NOS3: variants seen among roughly 807,000 people sequenced by gnomAD.
NOS3 encodes nitric oxide synthase 3, also known as NOS type III.
A neutral mutation model predicts 144.9 loss-of-function variants in NOS3; 98 were observed. The observed-to-expected ratio is 0.68, with a 90% CI of 0.57 to 0.80. The LOEUF (loss-of-function observed/expected upper bound fraction) is 0.80, where lower values mean the gene tolerates loss of function less well. Among genes scored for constraint, NOS3 ranks in the 30% least tolerant of loss-of-function variants. The pLI is 0.00. For missense variants in NOS3, 1,465 were observed against 1,656.4 expected (o/e 0.88, Z 2.01); for synonymous variants, 714 against 702.4 (o/e 1.02, Z -0.26).
In NOS3 at chr7:151,007,163, G is replaced by A. The variant is rs772317436; in HGVS notation, c.1999G>A (p.Val667Met). 5 of 1,613,816 alleles carry A rather than the reference G, an allele frequency of 3.1e-6. No individual in the cohort carries two copies. Among genetic ancestry groups the A allele is most frequent in the Non-Finnish European group, 4.2e-6 (5 of 1,179,958 alleles). The change falls in exon 17 of 27, where the codon GTG (valine) becomes ATG (methionine). Residue 667 changes from valine (V) to methionine (M), a missense_variant. Coordinates refer to ENST00000297494, the MANE Select transcript of NOS3 (RefSeq NM_000603.5). ...YPHFCAFARA[V>M]DTRLEELGGE... ...CCACTTCTGCGCCTTTGCTCGTGCCGTGGACACACGGCTGGAGGAACTGGG... is the reference window on the plus strand; with the variant it reads ...CCACTTCTGCGCCTTTGCTCGTGCCATGGACACACGGCTGGAGGAACTGGG...
In NOS3 at chr7:151,013,320, C is replaced by A. The variant is rs1173680199; in HGVS notation, c.3196C>A (p.Gln1066Lys). Residue 1066 changes from glutamine (Q) to lysine (K), a missense_variant, in exon 25 of 27, where the codon CAG becomes AAG. By Grantham distance (53) the Gln-to-Lys change is moderately conservative. Transcript: ENST00000297494. ...CCGCGACGAGGTGCAGAACGCCCAG[C>A]AGCGCGGGGTGTTTGGCCGAGTCCT... ...LYRDEVQNAQ[Q>K]RGVFGRVLTA... 2.5e-6 allele frequency: 4 copies of A among 1,614,060 alleles called. No individual in the cohort carries two copies. In the South Asian group the frequency reaches 4.4e-5, roughly 18 times the overall value.
chr7:151,008,093 C>T (rs544606496), intron 17 of NOS3, among the ~76,000 whole-genome samples: 1 of 152,258 alleles, frequency 6.6e-6, no homozygotes, highest in South Asian at 2.1e-4. Context: ...AGAGCCATTG[C>T]AGCGGGATGA....
chr7:150,994,691 C>G (rs769213655), intron 2 of NOS3, among the ~76,000 whole-genome samples: 1 of 152,164 alleles, frequency 6.6e-6, no homozygotes, highest in African/African-American at 2.4e-5. Flanking sequence ...GCTGCTCAGG[C>G]GCACCCTTGG....
rs753482 is a variant in NOS3 at position 151,009,295 on chromosome 7, C to T, written c.2324+28C>T. On this transcript the variant is annotated intron_variant, in intron 19 of 26. Transcript: ENST00000297494. ...GAGGACGACGGCTTTACCGCCCCCC[C>T]ACCCCTGTCCTGAACACCCTGACCC... 4 of 1,537,444 alleles carry T rather than the reference C, an allele frequency of 2.6e-6. No individual in the cohort carries two copies. The African/African-American group carries it at 4.3e-5, about 16-fold the overall frequency.
At position 151,003,993 on chromosome 7, in the gene NOS3, T is replaced by C. The variant is rs1795167917; in HGVS notation, c.1752+1689T>C. 9.4e-6 allele frequency: 3 copies of C among 320,212 alleles called. No individual in the cohort carries two copies. Among genetic ancestry groups the C allele is most frequent in the African/African-American group, 2.2e-5 (1 of 45,274 alleles). 19.8% of individuals were successfully genotyped at this position (320,212 alleles called of 1,614,324 possible). On this transcript the variant is annotated intron_variant, in intron 14 of 26. Transcript: ENST00000297494. The surrounding 1 kb of genome is among the most constrained non-coding windows in gnomAD (Gnocchi z 4.1). Reference sequence around the variant, plus strand: ...CTTGGGTAAATACCTAGGAGTAGAATTGGTAGGTCATAGGGTAGATGCATG... The same window carrying C: ...CTTGGGTAAATACCTAGGAGTAGAACTGGTAGGTCATAGGGTAGATGCATG...
In NOS3 at chr7:151,010,997, T is replaced by C; in HGVS notation, c.2984+11T>C. ...CTGCTTCATCCGGGGGTAAGTGAGA[T>C]GGAAGACTTGGTGGGGAGCTGCCCA... is the stretch of plus-strand genomic sequence containing the variant. On this transcript the variant is annotated intron_variant, in intron 23 of 26. Transcript: ENST00000297494. 1 of 1,605,030 alleles carries C rather than the reference T, an allele frequency of 6.2e-7. No homozygotes were observed. The highest frequency in any genetic ancestry group is 8.5e-7 in the Non-Finnish European group (1 of 1,172,882).
At chr7:150,997,017 G>T in intron 5 of NOS3, 92 bp downstream of exon 5, 1 of 1,392,544 alleles carries the variant, frequency 7.2e-7, no homozygotes, top group Non-Finnish European at 9.6e-7. Context: ...GGGCTGGGAG[G>T]TCCCAAACTG....
intron 14 of NOS3, 85 bp from the exon 15 acceptor site, chr7:151,006,342 T>G: frequency 1.1e-6 from 1 of 908,830 alleles, no homozygotes; most frequent in Non-Finnish European, 1.8e-6. Flanking sequence ...TCAATAATAA[T>G]GAGGATCAGC....
chr7:151,002,023 CA>C lies in NOS3; in HGVS notation c.1647+59del, dbSNP rs1584905513. 3 of 1,597,200 alleles carry C rather than the reference CA, an allele frequency of 1.9e-6. No homozygotes were observed. Among genetic ancestry groups the C allele is most frequent in the Non-Finnish European group, 2.6e-6 (3 of 1,168,520 alleles). On this transcript the variant is annotated intron_variant, in intron 13 of 26. Coordinates refer to ENST00000297494, the MANE Select transcript of NOS3 (RefSeq NM_000603.5). The surrounding 1 kb of genome is among the most constrained non-coding windows in gnomAD (Gnocchi z 4.1). ...AAAGAGGGGGCTCTATCAGCATCTT[CA>C]GGGGTGCCCTGGAGGACAGGAAGTG...
chr7:150,998,434 C>T lies in NOS3; in HGVS notation c.660C>T (p.Asn220=). The change falls in exon 6 of 27, where the codon AAC becomes AAT. Residue 220 remains asparagine, a synonymous_variant. Coordinates refer to ENST00000297494, the MANE Select transcript of NOS3 (RefSeq NM_000603.5). The surrounding 1 kb of genome is among the most constrained non-coding windows in gnomAD (Gnocchi z 5.0). The stretch of plus-strand genomic sequence containing the variant: ...GCAACCACATCAAGTATGCCACCAA[C>T]CGGGGCAACCTTCGGTGAGTGCCCC... ...YICNHIKYAT[N]RGNLRSAITV... The T allele has an allele frequency of 2.5e-6, 4 of 1,612,472 alleles. No individual in the cohort carries two copies. Among genetic ancestry groups the T allele is most frequent in the Non-Finnish European group, 3.4e-6 (4 of 1,179,840 alleles).
Position 150,993,546 on chromosome 7 carries a change from C to T in NOS3, c.-51-207C>T, listed in dbSNP as rs564062480. ...CAGGGCTCTGCTGGACACCTGGGCTCCCACTTATCAGCCTCAGTCCTCACA... is the reference window on the plus strand; with the variant it reads ...CAGGGCTCTGCTGGACACCTGGGCTTCCACTTATCAGCCTCAGTCCTCACA... On this transcript the variant is annotated intron_variant, in intron 1 of 26. Transcript: ENST00000297494. This position sits in a 1 kb window ranked among gnomAD's most constrained non-coding sequence, Gnocchi z 4.0. Among the ~76,000 whole-genome samples, 1 of 152,162 alleles carries T rather than the reference C, an allele frequency of 6.6e-6. No individual in the cohort carries two copies. The highest frequency in any genetic ancestry group is 2.1e-4 in the South Asian group (1 of 4,812).
At chr7:151,011,899 CA>C in intron 23 of NOS3, 1 of 400,066 alleles carries the variant, frequency 2.5e-6, no homozygotes, top group East Asian at 8.2e-5. Context: ...AGCCAGGAAC[CA>C]AAAGTCCTGG....
At chr7:150,994,841 A>G (rs915349680) in intron 2 of NOS3, among the ~76,000 whole-genome samples, 1 of 152,170 alleles carries the variant, frequency 6.6e-6, no homozygotes, top group African/African-American at 2.4e-5. Flanking sequence ...GAATCCCTGC[A>G]GGGCTTCCCT....
At chr7:151,006,535 G>A in intron 15 of NOS3, 41 bp downstream of exon 15, 3 of 1,518,018 alleles carry the variant, frequency 2.0e-6, no homozygotes, top group Non-Finnish European at 2.7e-6. Flanking sequence ...GGGAGCTGAT[G>A]CATTTGGAGA....
At position 150,993,110 on chromosome 7, in the gene NOS3, C is replaced by T. The variant is rs759037803; in HGVS notation, c.-51-643C>T. Among the ~76,000 whole-genome samples the T allele has an allele frequency of 2.0e-5, 3 of 152,132 alleles. No homozygotes were observed. Among genetic ancestry groups the T allele is most frequent in the Non-Finnish European group, 2.9e-5 (2 of 68,038 alleles). On this transcript the variant is annotated intron_variant, in intron 1 of 26. Transcript: ENST00000297494. The surrounding 1 kb of genome is among the most constrained non-coding windows in gnomAD (Gnocchi z 4.0). ...AGGCAGCTTCCTGCTCTTTTGTGTC[C>T]CCCACTTGAGTCATGGGGGTGTGGG... is the stretch of plus-strand genomic sequence containing the variant.
intron 25 of NOS3, 61 bp from the exon 26 acceptor site, chr7:151,013,663 C>A (rs965979913): frequency 1.3e-5 from 18 of 1,419,416 alleles, no homozygotes; most frequent in Admixed American, 2.1e-5. Flanking sequence ...AGCCAGCAGC[C>A]CCGGGCTGCG....
rs1300072497 is a variant in NOS3, at chr7:151,009,019, G to C, written c.2202G>C (p.Arg734Ser). Residue 734 changes from arginine (R) to serine (S), a missense_variant, in exon 18 of 27, where the codon AGG becomes AGC. Transcript: ENST00000297494. ...FSPKRSWKRQ[R>S]YRLSAQAEGL... ...CCAAACGGAGCTGGAAGCGCCAGAG[G>C]TACCGGCTGAGCGCCCAGGCCGAGG... is the stretch of plus-strand genomic sequence containing the variant. The C allele has an allele frequency of 6.2e-7, 1 of 1,612,344 alleles. No homozygotes were observed. Among genetic ancestry groups the C allele is most frequent in the East Asian group, 2.2e-5 (1 of 44,858 alleles).
At chr7:150,994,079 A>C in intron 2 of NOS3, 118 bp downstream of exon 2, 1 of 1,085,278 alleles carries the variant, frequency 9.2e-7, no homozygotes, top group Non-Finnish European at 1.3e-6. Flanking sequence ...CACAAATGCA[A>C]AAGGGCTATT....
At chr7:151,012,646 T>C in intron 24 of NOS3, 174 bp downstream of exon 24, 1 of 693,924 alleles carries the variant, frequency 1.4e-6, no homozygotes. Context: ...GGCTGGGCCC[T>C]GAGCTTCTGG....
Sources: allele counts gnomAD v4.1 joint callset (sites outside exome capture counted in the v4.1 genomes callset), GRCh38; gene constraint gnomAD v4.1.1; non-coding constraint Gnocchi (gnomAD v3.1); transcripts MANE v1.5; gene names NCBI Gene and HGNC (gene_info 2026-07-23, HGNC 2026-07-21).